Variants in ALCAM observed in about 807,000 individuals in gnomAD.
ALCAM encodes the protein activated leukocyte cell adhesion molecule, also known as CD166 antigen.
In ALCAM, 30 loss-of-function variants were observed where a neutral mutation model predicts 70.9. That is an observed-to-expected ratio of 0.42 (90% CI 0.32 to 0.57). ALCAM has a LOEUF of 0.57. ALCAM is among the 20% of genes least tolerant of loss of function. ALCAM has a pLI of 0.11. For missense variants in ALCAM, 591 were observed against 695.1 expected (o/e 0.85, Z 1.68); for synonymous variants, 249 against 242.5 (o/e 1.03, Z -0.25).
At chr3:105,533,441 G>C (rs1210675417) in intron 4 of ALCAM, among the ~76,000 whole-genome samples, 162 bp from the exon 5 acceptor site, 1 of 152,106 alleles carries the variant, frequency 6.6e-6, no homozygotes, top group Non-Finnish European at 1.5e-5. Context: ...AAAAGACATT[G>C]TTTTTATACC....
chr3:105,569,948 C>T lies in ALCAM; in HGVS notation c.1665-1904C>T, dbSNP rs567085063. ...GAATAGGAGCAAGCCAAAGGTAGAC[C>T]AAATTTTACTAAAATTGCAGTGGGG... On this transcript the variant is annotated intron_variant, in intron 14 of 15. Coordinates refer to ENST00000306107, the MANE Select transcript of ALCAM (RefSeq NM_001627.4). 3.9e-5 allele frequency among the ~76,000 whole-genome samples: 6 copies of T among 152,208 alleles called. No homozygotes were observed. In the East Asian group the frequency reaches 1.2e-3, roughly 29 times the overall value.
intron 2 of ALCAM, among the ~76,000 whole-genome samples, chr3:105,523,627 T>C (rs756731917): frequency 6.6e-6 from 1 of 152,234 alleles, no homozygotes; most frequent in African/African-American, 2.4e-5. Flanking sequence ...TAATTGTGTA[T>C]GCAGAGTACA....
intron 1 of ALCAM, among the ~76,000 whole-genome samples, chr3:105,489,412 A>G (rs1010461232): frequency 6.6e-6 from 1 of 152,186 alleles, no homozygotes; most frequent in African/African-American, 2.4e-5. Flanking sequence ...TGTTCAGTCA[A>G]AAGTCAGACT....
intron 1 of ALCAM, among the ~76,000 whole-genome samples, chr3:105,452,818 G>A (rs1243336251): frequency 6.6e-6 from 1 of 152,178 alleles, no homozygotes; most frequent in Non-Finnish European, 1.5e-5. Context: ...TTTCTCTAAT[G>A]ACAAGTGATG....
chr3:105,386,383 T>C (rs746953174), intron 1 of ALCAM, among the ~76,000 whole-genome samples: 3 of 151,644 alleles, frequency 2.0e-5, no homozygotes, highest in Non-Finnish European at 4.4e-5. Context: ...AAGGCTGGCA[T>C]AAATGGATTT....
chr3:105,451,945 C>G (rs747919867), intron 1 of ALCAM, among the ~76,000 whole-genome samples: 4 of 152,118 alleles, frequency 2.6e-5, no homozygotes, highest in Non-Finnish European at 5.9e-5. Flanking sequence ...ATTGGCTTAT[C>G]TCAGGGTAGT....
intron 1 of ALCAM, among the ~76,000 whole-genome samples, chr3:105,415,789 A>G (rs1429723842): frequency 3.3e-5 from 5 of 152,084 alleles, no homozygotes; most frequent in Non-Finnish European, 7.4e-5. Flanking sequence ...ACCATAAATG[A>G]ATATCATTAC....
rs749625480 is a variant in ALCAM at position 105,563,667 on chromosome 3, C to CTTTTTTTTTTT, written c.1665-8164_1665-8154dup. Among the ~76,000 whole-genome samples the CTTTTTTTTTTT allele has an allele frequency of 2.5e-3, 129 of 52,042 alleles. 17 individuals are homozygous for CTTTTTTTTTTT. The highest frequency in any genetic ancestry group is 6.2e-3 in the African/African-American group (61 of 9,896). The allele number at this position is 52,042 out of a possible 152,430, so 34.1% of individuals were successfully genotyped here. ...GACCTGTATGAAATTCCAAGCATTT[C>CTTTTTTTTTTT]TTTTTTTTTTTTTTTTTTTTTTTTT... On this transcript the variant is annotated intron_variant, in intron 14 of 15. Coordinates refer to ENST00000306107, the MANE Select transcript of ALCAM (RefSeq NM_001627.4).
chr3:105,421,660 G>A (rs1169976852), intron 1 of ALCAM, among the ~76,000 whole-genome samples: 1 of 151,342 alleles, frequency 6.6e-6, no homozygotes, highest in African/African-American at 2.4e-5. Flanking sequence ...ACCAATCCAT[G>A]GCATTCAAAG....
intron 1 of ALCAM, among the ~76,000 whole-genome samples, chr3:105,473,812 A>G (rs1346089901): frequency 6.6e-6 from 1 of 151,594 alleles, no homozygotes; most frequent in Non-Finnish European, 1.5e-5. Context: ...AGTCCTAGAA[A>G]GGTATTTAGG....
At chr3:105,523,680 A>G (rs972395203) in intron 2 of ALCAM, among the ~76,000 whole-genome samples, 1 of 152,314 alleles carries the variant, frequency 6.6e-6, no homozygotes, top group South Asian at 2.1e-4. Context: ...TTTTGAGCTC[A>G]TTGTTATGAC....
intron 9 of ALCAM, among the ~76,000 whole-genome samples, chr3:105,545,602 G>A (rs137903016): frequency 6.6e-6 from 1 of 151,464 alleles, no homozygotes; most frequent in African/African-American, 2.4e-5. Context: ...CACACCACAC[G>A]CATGTGTGCA....
intron 7 of ALCAM, 76 bp downstream of exon 7, chr3:105,540,178 G>A: frequency 2.1e-6 from 3 of 1,416,122 alleles, no homozygotes; most frequent in South Asian, 1.4e-5. Flanking sequence ...GATAGATTAA[G>A]TGAGAAAAAA....
At chr3:105,383,020 C>A (rs1935566477) in intron 1 of ALCAM, among the ~76,000 whole-genome samples, 1 of 151,688 alleles carries the variant, frequency 6.6e-6, no homozygotes, top group Non-Finnish European at 1.5e-5. Context: ...TGTGCCATGC[C>A]CTTCCTGCTT....
At chr3:105,547,574 T>C (rs779345838) in intron 11 of ALCAM, 51 bp downstream of exon 11, 2 of 1,586,842 alleles carry the variant, frequency 1.3e-6, no homozygotes, top group South Asian at 2.3e-5. Flanking sequence ...ATGCGTTTTT[T>C]TTCCTTCACG....
At chr3:105,469,472 T>C (rs935571338) in intron 1 of ALCAM, among the ~76,000 whole-genome samples, 6 of 151,066 alleles carry the variant, frequency 4.0e-5, no homozygotes, top group Admixed American at 6.6e-5. Context: ...TTTATATAAA[T>C]TGAAGGCAAT....
intron 1 of ALCAM, among the ~76,000 whole-genome samples, chr3:105,397,809 ATTAT>A (rs1460724341): frequency 3.3e-5 from 5 of 152,140 alleles, no homozygotes; most frequent in African/African-American, 9.6e-5. Flanking sequence ...GATAAATGGA[ATTAT>A]TTATTTGACA....
At chr3:105,572,087 T>G (rs1424911703) in intron 15 of ALCAM, 123 bp downstream of exon 15, 1 of 572,396 alleles carries the variant, frequency 1.7e-6, no homozygotes, top group Non-Finnish European at 3.1e-6. Context: ...AAGAGAGGGG[T>G]TTTTTTTCTT....
chr3:105,563,365 T>G (rs1940668319), intron 14 of ALCAM, among the ~76,000 whole-genome samples: 1 of 9,802 alleles, frequency 1.0e-4, no homozygotes, highest in Non-Finnish European at 7.7e-3. Flanking sequence ...CTCAAATAAC[T>G]TTTTGCTTTT....
Sources: gnomAD v4.1 joint callset for allele counts (sites outside exome capture counted in the v4.1 genomes callset) on GRCh38, gnomAD v4.1.1 for gene constraint, MANE v1.5 for transcripts, NCBI Gene and HGNC (gene_info 2026-07-23, HGNC 2026-07-21) for gene names.